SMAP1: variants seen among roughly 807,000 people sequenced by gnomAD.
SMAP1 encodes stromal membrane-associated protein 1.
SMAP1 carries 24 observed loss-of-function variants against 58.5 expected under a neutral mutation model. The ratio of observed to expected loss-of-function variants is 0.41; its 90% CI spans 0.30 to 0.58. The LOEUF (loss-of-function observed/expected upper bound fraction) is 0.58. Ranked by LOEUF, SMAP1 falls within the 20% of genes least tolerant of loss-of-function variation. The pLI is 0.29. For missense variants in SMAP1, 563 were observed against 566.3 expected, an observed-to-expected ratio of 0.99 and a Z score of 0.06; for synonymous variants, 216 against 196.6, an observed-to-expected ratio of 1.10 and a Z score of -0.82.
intron 3 of SMAP1, among the ~76,000 whole-genome samples, chr6:70,771,401 C>T (rs556482213): frequency 2.6e-5 from 4 of 152,262 alleles, no homozygotes; most frequent in Non-Finnish European, 4.4e-5. Flanking sequence ...TGGTGGGCTC[C>T]ACCCAGTTGG....
At chr6:70,785,322 A>T (rs1370694928) in intron 4 of SMAP1, among the ~76,000 whole-genome samples, 1 of 152,236 alleles carries the variant, frequency 6.6e-6, no homozygotes, top group Non-Finnish European at 1.5e-5. Flanking sequence ...AGGGAAATTT[A>T]TAGCACTAAA....
At chr6:70,834,745 A>G (rs777655080) in intron 6 of SMAP1, among the ~76,000 whole-genome samples, 1 of 152,222 alleles carries the variant, frequency 6.6e-6, no homozygotes, top group Non-Finnish European at 1.5e-5. Context: ...ATAGTAGCAG[A>G]TTGAGTAATC....
At chr6:70,780,831 A>G (rs987184311) in intron 4 of SMAP1, among the ~76,000 whole-genome samples, 3 of 152,150 alleles carry the variant, frequency 2.0e-5, no homozygotes, top group Admixed American at 6.5e-5. Context: ...CAGGGTCTCT[A>G]CTTGGTTTTC....
At chr6:70,720,024 A>G (rs1300670116) in intron 1 of SMAP1, among the ~76,000 whole-genome samples, 1 of 152,214 alleles carries the variant, frequency 6.6e-6, no homozygotes, top group Non-Finnish European at 1.5e-5. Flanking sequence ...AACTCATTTC[A>G]GCATTAACCA....
intron 6 of SMAP1, among the ~76,000 whole-genome samples, chr6:70,825,081 A>G (rs900975998): frequency 6.6e-6 from 1 of 152,218 alleles, no homozygotes; most frequent in Non-Finnish European, 1.5e-5. Flanking sequence ...ATGGAGCATC[A>G]TGAGCCCTGT....
intron 1 of SMAP1, among the ~76,000 whole-genome samples, chr6:70,711,836 A>C (rs1367695738): frequency 6.6e-6 from 1 of 152,062 alleles, no homozygotes; most frequent in African/African-American, 2.4e-5. Context: ...TTTTTAATGG[A>C]GTCATTAGTA....
intron 3 of SMAP1, among the ~76,000 whole-genome samples, chr6:70,759,571 T>G (rs555991249): frequency 6.6e-6 from 1 of 152,252 alleles, no homozygotes; most frequent in African/African-American, 2.4e-5. Context: ...ATATATCTTC[T>G]TGGTATCCTC....
At chr6:70,750,591 G>T (rs1164278564) in intron 2 of SMAP1, among the ~76,000 whole-genome samples, 2 of 152,172 alleles carry the variant, frequency 1.3e-5, no homozygotes, top group African/African-American at 2.4e-5. Context: ...GTGACAGTAT[G>T]TTGGGCAGTA....
In SMAP1 at chr6:70,768,227, T is replaced by C. The variant is rs10945249; in HGVS notation, c.339-5123T>C. Among the ~76,000 whole-genome samples, 761 of 152,344 alleles carry C rather than the reference T, an allele frequency of 5.0e-3. 3 individuals are homozygous for C. The highest frequency in any genetic ancestry group is 8.4e-3 in the Non-Finnish European group (570 of 68,040). On this transcript the variant is annotated intron_variant, in intron 3 of 10. Transcript: ENST00000370455. ...TAAAATTCTCTTTTTTGGTTGTGTCTCTGTCAGGCTTTGGTATCAGGATGA... is the reference window on the plus strand; with the variant it reads ...TAAAATTCTCTTTTTTGGTTGTGTCCCTGTCAGGCTTTGGTATCAGGATGA...
intron 1 of SMAP1, among the ~76,000 whole-genome samples, chr6:70,672,539 A>G (rs1457321003): frequency 6.6e-6 from 1 of 152,186 alleles, no homozygotes; most frequent in East Asian, 1.9e-4. Context: ...AACATTATTT[A>G]GGTAATTATG....
At chr6:70,795,193 C>G (rs950538278) in intron 5 of SMAP1, among the ~76,000 whole-genome samples, 56 of 152,156 alleles carry the variant, frequency 3.7e-4, no homozygotes, top group Admixed American at 1.3e-4. Flanking sequence ...CATGCTCTCC[C>G]TCTAGTAAAT....
At position 70,827,412 on chromosome 6, in the gene SMAP1, C is replaced by CA. The variant is rs200759100; in HGVS notation, c.577-9526dup. ...AAAATGTCATTGAATTTTAGATGAC[C>CA]AAAGGTCTGGTATGAATTAATGGTC... On this transcript the variant is annotated intron_variant, in intron 6 of 10. Coordinates refer to ENST00000370455, the MANE Select transcript of SMAP1 (RefSeq NM_001044305.3). Among the ~76,000 whole-genome samples the CA allele has an allele frequency of 5.3e-3, 807 of 152,152 alleles. 8 individuals carry two copies. The highest frequency in any genetic ancestry group is 0.019 in the African/African-American group (775 of 41,500).
intron 5 of SMAP1, among the ~76,000 whole-genome samples, chr6:70,792,928 G>A (rs1171870018): frequency 6.6e-6 from 1 of 152,128 alleles, no homozygotes; most frequent in Non-Finnish European, 1.5e-5. Flanking sequence ...CATGGGTGAG[G>A]AAAAGACTTA....
chr6:70,755,166 A>G, intron 3 of SMAP1, 101 bp downstream of exon 3: 1 of 902,634 alleles, frequency 1.1e-6, no homozygotes. Flanking sequence ...GAACTTTATC[A>G]CGCTACTGTT....
At chr6:70,747,641 C>G (rs910916069) in intron 2 of SMAP1, among the ~76,000 whole-genome samples, 5 of 152,084 alleles carry the variant, frequency 3.3e-5, no homozygotes, top group Admixed American at 6.5e-5. Flanking sequence ...GGGGAGAGTC[C>G]AGGATGATTC....
chr6:70,815,463 T>G (rs1769578252), intron 6 of SMAP1, among the ~76,000 whole-genome samples: 1 of 152,154 alleles, frequency 6.6e-6, no homozygotes, highest in East Asian at 1.9e-4. Context: ...GTATGTAAGA[T>G]GTGTGAGAAG....
At chr6:70,711,521 C>G (rs1279864829) in intron 1 of SMAP1, among the ~76,000 whole-genome samples, 1 of 149,156 alleles carries the variant, frequency 6.7e-6, no homozygotes, top group African/African-American at 2.5e-5. Flanking sequence ...AATTTATTAG[C>G]TCTTTTTTTT....
chr6:70,834,475 G>A (rs143473776), intron 6 of SMAP1, among the ~76,000 whole-genome samples: 137 of 151,926 alleles, frequency 9.0e-4, no homozygotes, highest in Non-Finnish European at 1.7e-3. Context: ...GTTAATTTGC[G>A]GAATGAAAGT....
chr6:70,817,324 T>G (rs1321967389), intron 6 of SMAP1, among the ~76,000 whole-genome samples: 1 of 152,090 alleles, frequency 6.6e-6, no homozygotes, highest in African/African-American at 2.4e-5. Flanking sequence ...AAGCAATCCT[T>G]TTTTCATAGT....
Sources: allele counts gnomAD v4.1 joint callset (sites outside exome capture counted in the v4.1 genomes callset), GRCh38; gene constraint gnomAD v4.1.1; transcripts MANE v1.5; gene names NCBI Gene and HGNC (gene_info 2026-07-23, HGNC 2026-07-21).